Variants in NPIPB11 observed in about 807,000 individuals in gnomAD.
The protein encoded by NPIPB11 is nuclear pore complex interacting protein family member B11.
In NPIPB11, 17 loss-of-function variants were observed where a neutral mutation model predicts 32.8. That is an observed-to-expected ratio of 0.52 (90% confidence interval 0.35 to 0.78). The LOEUF (loss-of-function observed/expected upper bound fraction) is 0.78, where lower values mean the gene tolerates loss of function less well. NPIPB11 is among the 30% of genes least tolerant of loss of function. The pLI is 0.01. For synonymous variants in NPIPB11, 209 were observed against 398.4 expected, an observed-to-expected ratio of 0.52 and a Z score of 5.66; for missense variants, 537 against 1,000.4, an observed-to-expected ratio of 0.54 and a Z score of 6.25.
chr16:29,397,594 C>T (rs1467279100), intron 2 of NPIPB11: 17 of 1,512,632 alleles, frequency 1.1e-5, no homozygotes, highest in East Asian at 4.9e-5. Flanking sequence ...CTGATAAATT[C>T]CAGCAGGAGC....
intron 3 of NPIPB11, among the ~76,000 whole-genome samples, chr16:29,391,502 GTTCACT>G (rs1963722311): frequency 6.9e-6 from 1 of 145,052 alleles, no homozygotes; most frequent in Non-Finnish European, 1.5e-5. Context: ...TCTACTCAGA[GTTCACT>G]TTCCCTTCCC....
At chr16:29,394,042 C>A in exon 3 of NPIPB11, 1 of 1,599,254 alleles carries the variant, frequency 6.3e-7, no homozygotes, top group South Asian at 1.1e-5. Flanking sequence ...AAAGTCAGTC[C>A]CACGATGATG....
chr16:29,397,661 C>T (rs1431437970), intron 2 of NPIPB11: 38 of 1,335,034 alleles, frequency 2.8e-5, no homozygotes, highest in East Asian at 8.0e-5. Flanking sequence ...CCTTTCAGGG[C>T]GCCCTGAGGC....
At chr16:29,401,427 G>C (rs565609950) in intron 2 of NPIPB11, among the ~76,000 whole-genome samples, 2 of 152,036 alleles carry the variant, frequency 1.3e-5, no homozygotes, top group African/African-American at 2.4e-5. Flanking sequence ...TTTTTCTGAA[G>C]TCTACTCTGT....
At chr16:29,402,230 G>T (rs1964008440) in intron 2 of NPIPB11, among the ~76,000 whole-genome samples, 1 of 122,648 alleles carries the variant, frequency 8.2e-6, no homozygotes. Context: ...CTCAATGTTA[G>T]CCATGTAGCT....
intron 2 of NPIPB11, among the ~76,000 whole-genome samples, chr16:29,402,986 T>C (rs936825128): frequency 1.3e-5 from 2 of 150,732 alleles, no homozygotes; most frequent in Non-Finnish European, 2.9e-5. Flanking sequence ...ATAGAACATA[T>C]ATATGTACTA....
At chr16:29,390,669 C>CACACACAA (rs1179208650) in intron 3 of NPIPB11, among the ~76,000 whole-genome samples, 2 of 150,760 alleles carry the variant, frequency 1.3e-5, no homozygotes, top group South Asian at 2.1e-4. Flanking sequence ...CACACACACA[C>CACACACAA]AAGAATGACA....
chr16:29,384,078 G>A, exon 8 of NPIPB11: 1 of 1,228,558 alleles, frequency 8.1e-7, no homozygotes, highest in Non-Finnish European at 1.1e-6. Flanking sequence ...ACACTCGGGA[G>A]GTGTCTTGAG....
At chr16:29,401,270 TAC>T (rs978845275) in intron 2 of NPIPB11, among the ~76,000 whole-genome samples, 1 of 152,136 alleles carries the variant, frequency 6.6e-6, no homozygotes, top group African/African-American at 2.4e-5. Flanking sequence ...TTGGAATTTT[TAC>T]TCTTGATATC....
rs4017111 is a variant in NPIPB11 at position 29,401,289 on chromosome 16, G to A, written c.120+2394C>T. ...AATTTTTACTCTTGATATCCTTCCA[G>A]ATCAACTCTCTCAATGTTCCCATCC... On this transcript the variant is annotated intron_variant, in intron 2 of 7. Transcript: ENST00000524087. 1.2e-4 allele frequency among the ~76,000 whole-genome samples: 18 copies of A among 152,076 alleles called. No homozygotes were observed. In the East Asian group the frequency reaches 1.3e-3, roughly 11 times the overall value.
chr16:29,396,766 A>C (rs1596680326), intron 2 of NPIPB11, among the ~76,000 whole-genome samples: 1 of 150,638 alleles, frequency 6.6e-6, no homozygotes, highest in Non-Finnish European at 1.5e-5. Context: ...TCTCAAAAAA[A>C]TAAATAAATA....
In NPIPB11 at chr16:29,389,924, G is replaced by T; in HGVS notation, c.545+17C>A. The T allele has an allele frequency of 1.9e-6, 3 of 1,587,066 alleles. No individual in the cohort carries two copies. Among genetic ancestry groups the T allele is most frequent in the East Asian group, 2.2e-5 (1 of 44,778 alleles). ...ACATGGTTCCTACAACAGTATTTGT[G>T]TCAAGGCACATCTTACTGTTTTCTG... On this transcript the variant is annotated intron_variant, in intron 5 of 7. Transcript: ENST00000524087.
chr16:29,397,514 C>G, intron 2 of NPIPB11: 1 of 1,484,328 alleles, frequency 6.7e-7, no homozygotes, highest in Non-Finnish European at 9.0e-7. Context: ...TTTCATGCCG[C>G]GTGACACAGC....
At chr16:29,402,720 C>CTGTGTGTG (rs1262374948) in intron 2 of NPIPB11, among the ~76,000 whole-genome samples, 21 of 117,112 alleles carry the variant, frequency 1.8e-4, no homozygotes, top group East Asian at 1.0e-3. Context: ...CTCTCTCTCT[C>CTGTGTGTG]TCTCTGTGTG....
chr16:29,404,776 G>C (rs1324500374), upstream of NPIPB11, among the ~76,000 whole-genome samples: 2 of 147,498 alleles, frequency 1.4e-5, no homozygotes, highest in Middle Eastern at 3.2e-3. Flanking sequence ...CCAGGGCAGT[G>C]GTCACCTGTG....
chr16:29,390,188 G>A, intron 4 of NPIPB11, 52 bp from the exon 5 acceptor site: 1 of 1,535,472 alleles, frequency 6.5e-7, no homozygotes, highest in Non-Finnish European at 8.9e-7. Context: ...GCAAGAAGCT[G>A]TTCTTTCCCT....
chr16:29,391,265 CAAA>C (rs1182475033), intron 3 of NPIPB11, among the ~76,000 whole-genome samples: 3 of 85,360 alleles, frequency 3.5e-5, no homozygotes, highest in Non-Finnish European at 4.6e-5. Context: ...GACTCCGTCT[CAAA>C]AAAAAAAAAA....
rs1287922211 is a variant in NPIPB11 at position 29,397,671 on chromosome 16, C to T, written c.121-3595G>A. The stretch of plus-strand genomic sequence containing the variant: ...CTGGTCCTTTCAGGGCGCCCTGAGG[C>T]GTCCAGGACAGAGGTGGAGGTGGCT... On this transcript the variant is annotated intron_variant, in intron 2 of 7. Transcript: ENST00000524087. 36 of 1,193,112 alleles carry T rather than the reference C, an allele frequency of 3.0e-5. No individual in the cohort carries two copies. In the East Asian group the frequency reaches 6.5e-4, roughly 22 times the overall value. The allele number at this position is 1,193,112 out of a possible 1,614,324, so 73.9% of individuals were successfully genotyped here. A position where few individuals can be genotyped will look rare whatever the true frequency, so the allele number is the denominator to read the frequency against.
upstream of NPIPB11, among the ~76,000 whole-genome samples, chr16:29,404,782 C>T (rs1347598411): frequency 1.4e-5 from 2 of 146,900 alleles, no homozygotes; most frequent in African/African-American, 2.5e-5. Context: ...CAGTGGTCAC[C>T]TGTGCCAGCC....
Sources: allele counts gnomAD v4.1 joint callset (sites outside exome capture counted in the v4.1 genomes callset), GRCh38; gene constraint gnomAD v4.1.1; transcripts MANE v1.5; gene names NCBI Gene and HGNC (gene_info 2026-07-23, HGNC 2026-07-21).